Variants in CNBD1 observed in about 807,000 individuals in gnomAD.
CNBD1 encodes cyclic nucleotide binding domain containing 1, also known as cyclic nucleotide-binding domain-containing protein 1.
In CNBD1, 71 loss-of-function variants were observed where a neutral mutation model predicts 54.4. That is an observed-to-expected ratio of 1.30 (90% CI 1.08 to 1.59). The LOEUF is 1.59. Ranked by LOEUF, CNBD1 falls within the 40% of genes most tolerant of loss-of-function variation. The pLI is 0.00. For missense variants in CNBD1, 659 were observed against 518.0 expected, an observed-to-expected ratio of 1.27 and a Z score of -2.64; for synonymous variants, 182 against 170.7, an observed-to-expected ratio of 1.07 and a Z score of -0.51.
At chr8:87,209,566 G>GA (rs1458296802) in intron 5 of CNBD1, among the ~76,000 whole-genome samples, 1 of 152,022 alleles carries the variant, frequency 6.6e-6, no homozygotes, top group Non-Finnish European at 1.5e-5. Context: ...CTCATGGGTT[G>GA]AAAAAATTAA....
intron 2 of CNBD1, among the ~76,000 whole-genome samples, chr8:87,392,348 T>G (rs1315634629): frequency 6.6e-6 from 1 of 151,950 alleles, no homozygotes; most frequent in Admixed American, 6.6e-5. Flanking sequence ...CAAAATCTTG[T>G]ACATGAATTA....
intron 4 of CNBD1, among the ~76,000 whole-genome samples, chr8:87,052,990 T>C (rs2130626322): frequency 8.8e-6 from 1 of 113,804 alleles, no homozygotes; most frequent in African/African-American, 3.5e-5. Context: ...GGTGCTGGAA[T>C]GGCCGATGAT....
intron 4 of CNBD1, among the ~76,000 whole-genome samples, chr8:87,067,047 T>C (rs945528368): frequency 6.6e-6 from 1 of 151,974 alleles, no homozygotes; most frequent in Non-Finnish European, 1.5e-5. Context: ...TTCTACTGGC[T>C]GCATTTTAAA....
intron 4 of CNBD1, among the ~76,000 whole-genome samples, chr8:87,085,184 C>A (rs1015611312): frequency 1.3e-5 from 2 of 152,142 alleles, no homozygotes; most frequent in Non-Finnish European, 2.9e-5. Flanking sequence ...ATCCTGCATG[C>A]TGTTGATCCC....
chr8:87,233,506 A>C (rs1807508617), intron 5 of CNBD1, among the ~76,000 whole-genome samples: 1 of 152,244 alleles, frequency 6.6e-6, no homozygotes, highest in Non-Finnish European at 1.5e-5. Flanking sequence ...TTGCTAAAAA[A>C]TACTAATGAC....
At chr8:87,065,993 A>G (rs1810645001) in intron 4 of CNBD1, among the ~76,000 whole-genome samples, 1 of 152,024 alleles carries the variant, frequency 6.6e-6, no homozygotes, top group Non-Finnish European at 1.5e-5. Flanking sequence ...GACTATGAAC[A>G]CCAATATAGT....
At chr8:87,321,524 AT>A (rs1347248267) in intron 8 of CNBD1, among the ~76,000 whole-genome samples, 2 of 152,060 alleles carry the variant, frequency 1.3e-5, no homozygotes, top group African/African-American at 2.4e-5. Flanking sequence ...TCTCTTGCCC[AT>A]TTTTTAAAGG....
rs1183809867 is a variant in CNBD1 at position 87,370,571 on chromosome 8, G to T, written c.1304-12049G>T. Among the ~76,000 whole-genome samples, 11 of 151,992 alleles carry T rather than the reference G, an allele frequency of 7.2e-5. 1 individual carries two copies. Among genetic ancestry groups the T allele is most frequent in the African/African-American group, 1.2e-4 (5 of 41,388 alleles). ...TGTCCTTTGCCCACTTTTTGATGGG[G>T]TTGTTTGTTTTTTTCTTGTAAATTT... On this transcript the variant is annotated intron_variant, in intron 10 of 10. Coordinates refer to ENST00000518476, the MANE Select transcript of CNBD1 (RefSeq NM_173538.3).
chr8:87,387,656 G>C (rs1004766511), downstream of CNBD1, among the ~76,000 whole-genome samples: 6 of 152,116 alleles, frequency 3.9e-5, no homozygotes, highest in African/African-American at 1.4e-4. Flanking sequence ...CAATCATAAT[G>C]GGAGACCTTA....
At chr8:87,224,378 C>G (rs1735776489) in intron 5 of CNBD1, among the ~76,000 whole-genome samples, 1 of 151,544 alleles carries the variant, frequency 6.6e-6, no homozygotes, top group Non-Finnish European at 1.5e-5. Context: ...GGTTTTAGGT[C>G]TAATGTTTAA....
intron 2 of CNBD1, among the ~76,000 whole-genome samples, chr8:87,390,189 C>T (rs1479196666): frequency 6.6e-6 from 1 of 152,012 alleles, no homozygotes; most frequent in Non-Finnish European, 1.5e-5. Flanking sequence ...TAGGCATGGG[C>T]AAGGACTTCA....
intron 4 of CNBD1, among the ~76,000 whole-genome samples, chr8:87,128,553 T>G (rs1376951611): frequency 6.6e-6 from 1 of 152,210 alleles, no homozygotes; most frequent in Non-Finnish European, 1.5e-5. Context: ...TCTTTTCTTT[T>G]GCTAGTTTGT....
At chr8:87,215,007 A>G (rs144626455) in intron 5 of CNBD1, among the ~76,000 whole-genome samples, 1,877 of 152,294 alleles carry the variant, frequency 0.012, 46 homozygotes, top group African/African-American at 0.043. Flanking sequence ...GAAAATATAC[A>G]TTAATGCCAA....
chr8:87,216,874 G>A (rs1024860071), intron 5 of CNBD1, among the ~76,000 whole-genome samples: 3 of 152,142 alleles, frequency 2.0e-5, no homozygotes, highest in African/African-American at 7.2e-5. Context: ...AATTGATACA[G>A]GTTTTGATGG....
At chr8:87,360,663 T>C (rs1810507528) in intron 10 of CNBD1, among the ~76,000 whole-genome samples, 1 of 151,968 alleles carries the variant, frequency 6.6e-6, no homozygotes, top group Admixed American at 6.6e-5. Context: ...TGAGAAAGAA[T>C]TTCTTTTTAT....
At chr8:86,918,088 T>A (rs6468541) in intron 3 of CNBD1, among the ~76,000 whole-genome samples, 143,980 of 152,262 alleles carry the variant, frequency 0.95, 68,174 homozygotes, top group East Asian at 1. Context: ...CTATATCCTT[T>A]TAAAGGGGAA....
intron 2 of CNBD1, among the ~76,000 whole-genome samples, chr8:87,389,634 C>A (rs906860767): frequency 6.6e-6 from 1 of 152,146 alleles, no homozygotes; most frequent in African/African-American, 2.4e-5. Context: ...ATTCCATGCC[C>A]ATGGGTAGGA....
chr8:87,011,515 A>AG (rs1360233251), intron 4 of CNBD1, among the ~76,000 whole-genome samples: 3 of 152,132 alleles, frequency 2.0e-5, no homozygotes, highest in Non-Finnish European at 2.9e-5. Flanking sequence ...TTTTGGAGGT[A>AG]GGGGTGTGGG....
At chr8:87,088,063 T>G (rs1407875224) in intron 4 of CNBD1, among the ~76,000 whole-genome samples, 1 of 152,228 alleles carries the variant, frequency 6.6e-6, no homozygotes, top group African/African-American at 2.4e-5. Context: ...AGTAATACAT[T>G]GATGGCAAAA....
Sources: gnomAD v4.1 joint callset for allele counts (sites outside exome capture counted in the v4.1 genomes callset) on GRCh38, gnomAD v4.1.1 for gene constraint, MANE v1.5 for transcripts, NCBI Gene and HGNC (gene_info 2026-07-23, HGNC 2026-07-21) for gene names.